The following TCF7L1 variants were observed in gnomAD, a reference collection of about 807,000 sequenced individuals.
TCF7L1 encodes the protein transcription factor 7-like 1.
In TCF7L1, 18 loss-of-function variants were observed where a neutral mutation model predicts 63.7. That is an observed-to-expected ratio of 0.28 (90% CI 0.20 to 0.42). The LOEUF is 0.42. Among genes scored for constraint, TCF7L1 ranks in the 10% least tolerant of loss-of-function variants. TCF7L1 has a pLI of 1.00. For synonymous variants in TCF7L1, 355 were observed against 340.9 expected, an observed-to-expected ratio of 1.04 and a Z score of -0.46; for missense variants, 654 against 779.3, an observed-to-expected ratio of 0.84 and a Z score of 1.91.
At chr2:85,156,519 GTGCGTTTA>G (rs1678149993) in intron 3 of TCF7L1, among the ~76,000 whole-genome samples, 1 of 152,222 alleles carries the variant, frequency 6.6e-6, no homozygotes, top group African/African-American at 2.4e-5. Context: ...TCTGGGGCCA[GTGCGTTTA>G]TGCACTAAAT....
intron 3 of TCF7L1, among the ~76,000 whole-genome samples, chr2:85,188,286 T>C (rs1342070628): frequency 1.3e-5 from 2 of 152,214 alleles, no homozygotes; most frequent in African/African-American, 4.8e-5. Context: ...CGAGTGTTTG[T>C]AAAACTGGTG....
intron 3 of TCF7L1, among the ~76,000 whole-genome samples, chr2:85,187,640 A>G (rs1264812039): frequency 6.6e-6 from 1 of 152,240 alleles, no homozygotes; most frequent in Admixed American, 6.5e-5. Context: ...GTAAAAAAGC[A>G]AGTGGGCAAT....
At chr2:85,198,167 C>T (rs1010418471) in intron 3 of TCF7L1, among the ~76,000 whole-genome samples, 2 of 152,198 alleles carry the variant, frequency 1.3e-5, no homozygotes, top group African/African-American at 4.8e-5. Context: ...GGTATTGCTG[C>T]GACTTCTGAA....
chr2:85,157,958 G>A (rs1344030466), intron 3 of TCF7L1, among the ~76,000 whole-genome samples: 1 of 152,220 alleles, frequency 6.6e-6, no homozygotes, highest in African/African-American at 2.4e-5. Context: ...ATGGGGGCAT[G>A]GCTTTTAGAG....
At chr2:85,227,533 G>A (rs1414021825) in intron 3 of TCF7L1, among the ~76,000 whole-genome samples, 1 of 151,890 alleles carries the variant, frequency 6.6e-6, no homozygotes, top group Non-Finnish European at 1.5e-5. Context: ...AAAAGGGTGG[G>A]TGGGGGGACA....
At chr2:85,205,235 A>G (rs1679374491) in intron 3 of TCF7L1, among the ~76,000 whole-genome samples, 1 of 152,198 alleles carries the variant, frequency 6.6e-6, no homozygotes, top group African/African-American at 2.4e-5. Flanking sequence ...TTGGAACTTG[A>G]AAAAGAATAA....
chr2:85,145,893 T>G (rs1466464728), intron 3 of TCF7L1, among the ~76,000 whole-genome samples: 1 of 152,096 alleles, frequency 6.6e-6, no homozygotes, highest in Non-Finnish European at 1.5e-5. Flanking sequence ...TAAAAAAAAA[T>G]AGAGACAGGG....
At position 85,265,008 on chromosome 2, in the gene TCF7L1, A is replaced by G. The variant is rs547754556; in HGVS notation, c.442-18487A>G. On this transcript the variant is annotated intron_variant, in intron 3 of 11. Coordinates refer to ENST00000282111, the MANE Select transcript of TCF7L1 (RefSeq NM_031283.3). Reference sequence around the variant, plus strand: ...AGAAACTTCCACCTTGAGCCTTATAATGGATCCACCGGAATGAAGATATGT... The same window carrying G: ...AGAAACTTCCACCTTGAGCCTTATAGTGGATCCACCGGAATGAAGATATGT... Among the ~76,000 whole-genome samples, 6 of 152,290 alleles carry G rather than the reference A, an allele frequency of 3.9e-5. No individual in the cohort carries two copies. In the South Asian group the frequency reaches 6.2e-4, roughly 16 times the overall value.
Position 85,309,234 on chromosome 2 carries a change from C to T in TCF7L1, c.1539C>T (p.Ala513=). 1 of 1,614,136 alleles carries T rather than the reference C, an allele frequency of 6.2e-7. No homozygotes were observed. Residue 513 remains alanine (A), a synonymous_variant, in exon 12 of 12, where the codon GCC becomes GCT. Transcript: ENST00000282111. The part of the protein sequence containing the change: ...LSLTTKPETR[A]QLALHSAAFL... ...TCACCACCAAACCAGAAACCCGGGC[C>T]CAGCTGGCTCTCCACTCTGCCGCCT... is the stretch of plus-strand genomic sequence containing the variant.
At chr2:85,204,241 G>A (rs1679340670) in intron 3 of TCF7L1, among the ~76,000 whole-genome samples, 1 of 138,084 alleles carries the variant, frequency 7.2e-6, no homozygotes. Context: ...ATTATTTTGT[G>A]GATTTTTTAA....
intron 4 of TCF7L1, among the ~76,000 whole-genome samples, chr2:85,285,838 T>G (rs6719501): frequency 0.55 from 83,353 of 152,096 alleles, 24,149 homozygotes; most frequent in African/African-American, 0.76. Flanking sequence ...CTGTCTTAGT[T>G]TCTCTCTGCA....
chr2:85,218,588 A>G (rs1045589849), intron 3 of TCF7L1, among the ~76,000 whole-genome samples: 2 of 151,336 alleles, frequency 1.3e-5, no homozygotes, highest in African/African-American at 4.9e-5. Context: ...AAACATCTAT[A>G]TTAAAATCAT....
intron 3 of TCF7L1, among the ~76,000 whole-genome samples, chr2:85,259,949 A>C (rs1330022606): frequency 6.6e-6 from 1 of 152,112 alleles, no homozygotes; most frequent in Non-Finnish European, 1.5e-5. Context: ...TACTGTGCAT[A>C]TGTGAGGGGA....
At chr2:85,214,800 C>T (rs1404642278) in intron 3 of TCF7L1, among the ~76,000 whole-genome samples, 1 of 152,098 alleles carries the variant, frequency 6.6e-6, no homozygotes, top group Non-Finnish European at 1.5e-5. Context: ...TGTATATATG[C>T]TATATCTCAG....
chr2:85,139,942 T>C (rs1358682684), intron 3 of TCF7L1, among the ~76,000 whole-genome samples: 1 of 151,948 alleles, frequency 6.6e-6, no homozygotes, highest in East Asian at 1.9e-4. Flanking sequence ...AGAAAGATAA[T>C]GGTGGATTGG....
chr2:85,309,432 T>C lies in TCF7L1; in HGVS notation c.1737T>C (p.Pro579=). The C allele has an allele frequency of 6.5e-7, 1 of 1,543,254 alleles. No homozygotes were observed. The highest frequency in any genetic ancestry group is 8.7e-7 in the Non-Finnish European group (1 of 1,145,306). ...CCCTCCCGGTGCTACAGGCCCAGCCTCTTTCCCTGGTCACCAAGTCTGCCC... is the reference window on the plus strand; with the variant it reads ...CCCTCCCGGTGCTACAGGCCCAGCCCCTTTCCCTGGTCACCAAGTCTGCCC... ...HQALPVLQAQ[P]LSLVTKSAH The change falls in exon 12 of 12, where the codon CCT becomes CCC. Residue 579 remains proline, a synonymous_variant. Transcript: ENST00000282111.
intron 4 of TCF7L1, among the ~76,000 whole-genome samples, chr2:85,295,303 G>A (rs1681816255): frequency 6.6e-6 from 1 of 152,148 alleles, no homozygotes; most frequent in Admixed American, 6.5e-5. Flanking sequence ...CCAGGTTCAA[G>A]CGATTCTCCT....
rs529879485 is a variant in TCF7L1 at position 85,162,529 on chromosome 2, A to G, written c.441+28079A>G. Among the ~76,000 whole-genome samples the G allele has an allele frequency of 5.3e-5, 8 of 152,238 alleles. No homozygotes were observed. The South Asian group carries it at 1.7e-3, about 32-fold the overall frequency. On this transcript the variant is annotated intron_variant, in intron 3 of 11. Transcript: ENST00000282111. ...AAATTTTCTTGGTCTGTGAAGACGT[A>G]TTTTCTCTATTTTTAGCCAAACAGA...
intron 3 of TCF7L1, among the ~76,000 whole-genome samples, chr2:85,266,152 T>C (rs916121159): frequency 7.9e-5 from 12 of 152,258 alleles, no homozygotes; most frequent in African/African-American, 2.9e-4. Context: ...TCAGATATCA[T>C]AATTGCAGCA....
Sources: gnomAD v4.1 joint callset for allele counts (sites outside exome capture counted in the v4.1 genomes callset) on GRCh38, gnomAD v4.1.1 for gene constraint, MANE v1.5 for transcripts, NCBI Gene and HGNC (gene_info 2026-07-23, HGNC 2026-07-21) for gene names.